Variants in CDH18 observed in about 807,000 individuals in gnomAD.
CDH18 encodes cadherin-18.
In CDH18, 31 loss-of-function variants were observed where a neutral mutation model predicts 67.9. The ratio of observed to expected loss-of-function variants is 0.46; its 90% CI spans 0.34 to 0.62. The LOEUF (loss-of-function observed/expected upper bound fraction) is 0.62, where lower values mean the gene tolerates loss of function less well. CDH18 is among the 20% of genes least tolerant of loss of function. The pLI is 0.01. For missense variants in CDH18, 890 were observed against 975.5 expected (o/e 0.91, Z 1.17); for synonymous variants, 362 against 347.2 (o/e 1.04, Z -0.48).
intron 1 of CDH18, among the ~76,000 whole-genome samples, chr5:20,283,305 G>A (rs951111271): frequency 1.3e-5 from 2 of 151,796 alleles, no homozygotes; most frequent in African/African-American, 4.8e-5. Flanking sequence ...AACAACAAGT[G>A]GAGGGAATCC....
At chr5:20,201,557 T>G (rs1739449380) in intron 2 of CDH18, among the ~76,000 whole-genome samples, 1 of 152,106 alleles carries the variant, frequency 6.6e-6, no homozygotes. Flanking sequence ...TGTACCTGGA[T>G]AAGACCATAC....
chr5:19,971,338 G>A (rs1179649062), intron 2 of CDH18, among the ~76,000 whole-genome samples: 1 of 151,960 alleles, frequency 6.6e-6, no homozygotes, highest in Non-Finnish European at 1.5e-5. Flanking sequence ...AATGTATAGG[G>A]ATGAATTCAC....
chr5:19,580,833 T>G (rs959251199), intron 7 of CDH18, among the ~76,000 whole-genome samples: 1 of 151,956 alleles, frequency 6.6e-6, no homozygotes, highest in Non-Finnish European at 1.5e-5. Context: ...GGTGGAAATC[T>G]AAATAGCAAA....
At chr5:20,285,646 C>G (rs1746644158) in intron 1 of CDH18, among the ~76,000 whole-genome samples, 1 of 151,346 alleles carries the variant, frequency 6.6e-6, no homozygotes, top group Admixed American at 6.6e-5. Flanking sequence ...AATTTGCCCC[C>G]TTTTGTGGAG....
At chr5:19,790,008 T>C (rs888131856) in intron 3 of CDH18, among the ~76,000 whole-genome samples, 2 of 152,048 alleles carry the variant, frequency 1.3e-5, no homozygotes, top group Non-Finnish European at 2.9e-5. Context: ...ATGTAATACA[T>C]ATATAAATAT....
intron 1 of CDH18, among the ~76,000 whole-genome samples, chr5:20,273,380 ATATACT>A (rs1745578331): frequency 6.6e-6 from 1 of 152,056 alleles, no homozygotes; most frequent in South Asian, 2.1e-4. Flanking sequence ...GTAAAAATAC[ATATACT>A]TATGAGGGCA....
upstream of CDH18, among the ~76,000 whole-genome samples, chr5:19,991,201 G>A (rs897868565): frequency 6.6e-6 from 1 of 152,158 alleles, no homozygotes; most frequent in Non-Finnish European, 1.5e-5. Context: ...GTTATGTGAT[G>A]TTTCCAAACC....
chr5:20,369,327 A>C (rs1159723687), intron 1 of CDH18, among the ~76,000 whole-genome samples: 1 of 152,198 alleles, frequency 6.6e-6, no homozygotes, highest in African/African-American at 2.4e-5. Context: ...TGTCATTATA[A>C]ATATCCTACA....
intron 2 of CDH18, among the ~76,000 whole-genome samples, chr5:20,108,343 C>T (rs1011696400): frequency 1.5e-4 from 23 of 152,160 alleles, no homozygotes; most frequent in South Asian, 1.5e-3. Flanking sequence ...CCACCAACCT[C>T]GGCTTTCCAA....
chr5:19,803,616 T>C (rs561804432), intron 3 of CDH18, among the ~76,000 whole-genome samples: 1 of 152,302 alleles, frequency 6.6e-6, no homozygotes, highest in African/African-American at 2.4e-5. Context: ...AATCCAGACT[T>C]CAGTCATTTG....
chr5:19,950,000 A>C (rs1294766309), intron 2 of CDH18, among the ~76,000 whole-genome samples: 1 of 151,356 alleles, frequency 6.6e-6, no homozygotes, highest in East Asian at 1.9e-4. Context: ...AAATAGACAC[A>C]TACATATCTC....
At chr5:20,029,594 T>C (rs1480738004) in intron 2 of CDH18, among the ~76,000 whole-genome samples, 1 of 152,222 alleles carries the variant, frequency 6.6e-6, no homozygotes, top group Non-Finnish European at 1.5e-5. Context: ...ATTATGAGAT[T>C]ACCTGTGCAA....
At chr5:20,151,103 T>G (rs1363767831) in intron 2 of CDH18, among the ~76,000 whole-genome samples, 1 of 151,984 alleles carries the variant, frequency 6.6e-6, no homozygotes, top group Non-Finnish European at 1.5e-5. Context: ...TGCACCCAGA[T>G]AGTGAGCATA....
intron 1 of CDH18, among the ~76,000 whole-genome samples, chr5:20,277,938 G>C (rs1471696708): frequency 1.7e-4 from 26 of 152,146 alleles, no homozygotes; most frequent in Admixed American, 1.7e-3. Context: ...AAGTGAGCTT[G>C]AAGACAGGTT....
intron 2 of CDH18, among the ~76,000 whole-genome samples, chr5:20,099,736 A>C (rs1453019944): frequency 1.3e-5 from 2 of 152,176 alleles, no homozygotes; most frequent in Admixed American, 6.5e-5. Context: ...TGTCTATTAG[A>C]CAGGAGAAAA....
chr5:20,299,277 CA>C, intron 1 of CDH18, among the ~76,000 whole-genome samples: 1 of 152,128 alleles, frequency 6.6e-6, no homozygotes, highest in South Asian at 2.1e-4. Flanking sequence ...GAATTCTGCA[CA>C]AAATGGATGT....
chr5:20,443,120 G>A (rs1749735923), intron 1 of CDH18, among the ~76,000 whole-genome samples: 1 of 141,958 alleles, frequency 7.0e-6, no homozygotes, highest in Non-Finnish European at 1.5e-5. Flanking sequence ...TGAGGAAGGA[G>A]AATGGCGTGA....
At chr5:19,845,173 G>T (rs957680605) in intron 2 of CDH18, among the ~76,000 whole-genome samples, 3 of 134,940 alleles carry the variant, frequency 2.2e-5, no homozygotes, top group South Asian at 2.5e-4. Flanking sequence ...ATAATTCAAA[G>T]AATTAAAAAA....
At chr5:19,721,584 T>C (rs1045448950) in intron 4 of CDH18, 118 bp from the exon 5 acceptor site, 5 of 670,052 alleles carry the variant, frequency 7.5e-6, no homozygotes, top group Non-Finnish European at 1.2e-5. Context: ...TGTGTCCTAG[T>C]AAATTTAATT....
Sources: allele counts gnomAD v4.1 joint callset (sites outside exome capture counted in the v4.1 genomes callset), GRCh38; gene constraint gnomAD v4.1.1; transcripts MANE v1.5; gene names NCBI Gene and HGNC (gene_info 2026-07-23, HGNC 2026-07-21).